Variants in CFAP54 observed in about 807,000 individuals in gnomAD.
CFAP54 encodes the protein cilia- and flagella-associated protein 54.
CFAP54 carries 290 observed loss-of-function variants against 370.4 expected under a neutral mutation model. The ratio of observed to expected loss-of-function variants is 0.78; its 90% CI spans 0.71 to 0.86. CFAP54 has a LOEUF of 0.86. Among genes scored for constraint, CFAP54 ranks in the 40% least tolerant of loss-of-function variants. CFAP54 has a pLI of 0.00. For synonymous variants in CFAP54, 1,206 were observed against 1,236.5 expected (o/e 0.98, Z 0.52); for missense variants, 3,399 against 3,528.7 (o/e 0.96, Z 0.93).
intron 67 of CFAP54, among the ~76,000 whole-genome samples, chr12:96,866,216 C>T (rs570112079): frequency 8.3e-4 from 126 of 152,120 alleles, no homozygotes; most frequent in African/African-American, 3.0e-3. Flanking sequence ...TGAATTGCAA[C>T]TTTGACTCTA....
chr12:96,626,718 C>T, intron 29 of CFAP54, 95 bp from the exon 30 acceptor site: 2 of 597,512 alleles, frequency 3.3e-6, no homozygotes, highest in Non-Finnish European at 5.0e-6. Context: ...AATAAACTTG[C>T]CTGTTGGAAC....
chr12:96,843,327 C>G (rs1959245176), intron 66 of CFAP54, among the ~76,000 whole-genome samples: 1 of 152,180 alleles, frequency 6.6e-6, no homozygotes, highest in Non-Finnish European at 1.5e-5. Flanking sequence ...CCACAGAGCC[C>G]TTCAGGAGGG....
intron 14 of CFAP54, among the ~76,000 whole-genome samples, chr12:96,547,646 A>G (rs1955654657): frequency 6.6e-6 from 1 of 152,226 alleles, no homozygotes; most frequent in South Asian, 2.1e-4. Context: ...GTCAAATTCT[A>G]GTGTTGAATC....
chr12:96,491,537 A>G (rs574862073), intron 1 of CFAP54, among the ~76,000 whole-genome samples: 2 of 152,264 alleles, frequency 1.3e-5, no homozygotes, highest in East Asian at 3.9e-4. Context: ...GAGCCCTGGG[A>G]TGCTCCAGCA....
chr12:96,489,981 A>G, intron 1 of CFAP54, 55 bp downstream of exon 1: 1 of 1,459,526 alleles, frequency 6.9e-7, no homozygotes, highest in Non-Finnish European at 9.1e-7. Flanking sequence ...GACCCCTGGA[A>G]AGGGCTGGAG....
At chr12:96,632,673 T>G (rs1956621620) in intron 32 of CFAP54, among the ~76,000 whole-genome samples, 1 of 152,066 alleles carries the variant, frequency 6.6e-6, no homozygotes, top group Non-Finnish European at 1.5e-5. Context: ...AAGAACAAGT[T>G]TCTCCAGAAT....
intron 66 of CFAP54, among the ~76,000 whole-genome samples, chr12:96,843,256 T>A (rs1193233257): frequency 6.6e-6 from 1 of 152,154 alleles, no homozygotes; most frequent in Non-Finnish European, 1.5e-5. Flanking sequence ...AAATGCCAAG[T>A]ATTGTTAGGA....
chr12:96,699,524 C>T (rs1403274367), intron 45 of CFAP54, among the ~76,000 whole-genome samples: 1 of 152,184 alleles, frequency 6.6e-6, no homozygotes, highest in Admixed American at 6.5e-5. Flanking sequence ...GTAGTTGTCT[C>T]TATGTTGATA....
In CFAP54 at chr12:96,770,236, C is replaced by T. The variant is rs117676906; in HGVS notation, c.8281+5018C>T. On this transcript the variant is annotated intron_variant, in intron 60 of 67. Coordinates refer to ENST00000524981, the MANE Select transcript of CFAP54 (RefSeq NM_001306084.2). ...AATTTGTGTGTGTGTGTGTTGCATCCGAGTATTAGAGATGAGACAATTGGG... is the reference window on the plus strand; with the variant it reads ...AATTTGTGTGTGTGTGTGTTGCATCTGAGTATTAGAGATGAGACAATTGGG... Among the ~76,000 whole-genome samples, 48 of 150,006 alleles carry T rather than the reference C, an allele frequency of 3.2e-4. No homozygotes were observed. In the East Asian group the frequency reaches 4.1e-3, roughly 13 times the overall value.
At chr12:96,538,553 T>C in intron 13 of CFAP54, 35 bp downstream of exon 13, 1 of 1,528,298 alleles carries the variant, frequency 6.5e-7, no homozygotes, top group East Asian at 2.5e-5. Context: ...CGTGTTTTTT[T>C]TGCTATTGCT....
At position 96,802,036 on chromosome 12, in the gene CFAP54, C is replaced by T. The variant is rs897743901; in HGVS notation, c.8850+9537C>T. Among the ~76,000 whole-genome samples, 3 of 152,240 alleles carry T rather than the reference C, an allele frequency of 2.0e-5. 1 individual carries two copies. On this transcript the variant is annotated intron_variant, in intron 63 of 67. Coordinates refer to ENST00000524981, the MANE Select transcript of CFAP54 (RefSeq NM_001306084.2). ...TTGCATGGCTGGGAAGGGTCCTGCC[C>T]TCCCTGATTGCAGGCCTAAGGTGCT... is the stretch of plus-strand genomic sequence containing the variant.
chr12:96,813,358 T>C (rs1019360814), intron 64 of CFAP54, among the ~76,000 whole-genome samples: 1 of 152,130 alleles, frequency 6.6e-6, no homozygotes, highest in Non-Finnish European at 1.5e-5. Flanking sequence ...CCTTGTGTTC[T>C]TATGAGGCTC....
chr12:96,770,436 A>C (rs1413571600), intron 60 of CFAP54, among the ~76,000 whole-genome samples: 1 of 152,162 alleles, frequency 6.6e-6, no homozygotes, highest in African/African-American at 2.4e-5. Flanking sequence ...GTAGGAGGAG[A>C]CCCTGTTTAT....
intron 66 of CFAP54, among the ~76,000 whole-genome samples, chr12:96,850,945 T>C (rs1279955984): frequency 1.3e-5 from 2 of 152,146 alleles, no homozygotes; most frequent in Non-Finnish European, 2.9e-5. Context: ...CAGGTGGTGA[T>C]TACAATTTGA....
intron 55 of CFAP54, among the ~76,000 whole-genome samples, chr12:96,747,113 G>A (rs1379773515): frequency 1.3e-5 from 2 of 152,024 alleles, no homozygotes; most frequent in Non-Finnish European, 2.9e-5. Context: ...CTGATATCCC[G>A]GGCACCTAGC....
rs1195406587 is a variant in CFAP54, at chr12:96,850,077, A to G, written c.9172-10742A>G. Among the ~76,000 whole-genome samples the G allele has an allele frequency of 1.3e-5, 2 of 152,120 alleles. 1 individual carries two copies. Among genetic ancestry groups the G allele is most frequent in the Admixed American group, 1.3e-4 (2 of 15,266 alleles). ...TAAAATTTCCAAAAGCTGAGCTGGA[A>G]AAACATGCCAAGAGAGCACAGCCGG... On this transcript the variant is annotated intron_variant, in intron 66 of 67. Transcript: ENST00000524981.
At chr12:96,576,792 G>A in intron 20 of CFAP54, 31 bp downstream of exon 20, 1 of 1,487,456 alleles carries the variant, frequency 6.7e-7, no homozygotes, top group Non-Finnish European at 9.0e-7. Flanking sequence ...TTTGCCTCAT[G>A]CAAAGCAACA....
At chr12:96,545,924 T>G (rs983327238) in intron 14 of CFAP54, among the ~76,000 whole-genome samples, 49 of 152,210 alleles carry the variant, frequency 3.2e-4, no homozygotes, top group African/African-American at 1.2e-3. Context: ...TGCCCCTTCC[T>G]TTATGCCTTA....
chr12:96,637,605 C>T (rs1189666216), intron 32 of CFAP54, among the ~76,000 whole-genome samples: 1 of 152,022 alleles, frequency 6.6e-6, no homozygotes, highest in Non-Finnish European at 1.5e-5. Flanking sequence ...ACTATTGGCT[C>T]TAAAGCAAGT....
Sources: allele counts gnomAD v4.1 joint callset (sites outside exome capture counted in the v4.1 genomes callset), GRCh38; gene constraint gnomAD v4.1.1; transcripts MANE v1.5; gene names NCBI Gene and HGNC (gene_info 2026-07-23, HGNC 2026-07-21).